Variants in ALMS1 observed in about 807,000 individuals in gnomAD.
The protein encoded by ALMS1 is ALMS1 centrosome and basal body associated protein, also known as centrosome-associated protein ALMS1.
Under a neutral mutation model 352.2 loss-of-function variants are expected in ALMS1, and 271 were observed. The ratio of observed to expected loss-of-function variants is 0.77; its 90% CI spans 0.70 to 0.85. ALMS1 has a LOEUF of 0.85. ALMS1 is among the 40% of genes least tolerant of loss of function. The pLI, the probability that ALMS1 is intolerant of heterozygous loss-of-function variation, is 0.00. For synonymous variants in ALMS1, 1,865 were observed against 1,761.2 expected, an observed-to-expected ratio of 1.06 and a Z score of -1.48; for missense variants, 5,445 against 4,870.7, an observed-to-expected ratio of 1.12 and a Z score of -3.51.
rs866357733 is a variant in ALMS1 at position 73,453,753 on chromosome 2, C to G, written c.7226C>G (p.Thr2409Ser). 9 of 1,613,988 alleles carry G rather than the reference C, an allele frequency of 5.6e-6. No individual in the cohort carries two copies. The highest frequency in any genetic ancestry group is 1.6e-4 in the Middle Eastern group (1 of 6,084). The change falls in exon 8 of 23, where the codon ACT becomes AGT. Residue 2409 changes from threonine to serine, a missense_variant. Coordinates refer to ENST00000613296, the MANE Select transcript of ALMS1 (RefSeq NM_001378454.1). ...IGNKIIIPMM[T>S]VIKSDSSSDA... ...AATAAAATTATTATCCCTATGATGA[C>G]TGTCATAAAAAGTGATTCAAGTAGT...
rs558698279 is a variant in ALMS1, at chr2:73,594,912, CCT to C, written c.11548-4485_11548-4484del. 2.3e-4 allele frequency among the ~76,000 whole-genome samples: 35 copies of C among 152,148 alleles called. No individual in the cohort carries two copies. In the South Asian group the frequency reaches 3.1e-3, roughly 14 times the overall value. On this transcript the variant is annotated intron_variant, in intron 16 of 22. Transcript: ENST00000613296. Reference sequence around the variant, plus strand: ...TTGGTATCTTGTTTTTAAATATGTCCCTCTCAGCTAAGCTTGTTGTGCTTCAG... The same window carrying C: ...TTGGTATCTTGTTTTTAAATATGTCCCTCAGCTAAGCTTGTTGTGCTTCAG...
chr2:73,429,679 C>A (rs1671462216), intron 6 of ALMS1, among the ~76,000 whole-genome samples: 1 of 152,144 alleles, frequency 6.6e-6, no homozygotes, highest in African/African-American at 2.4e-5. Flanking sequence ...CTTCATATCC[C>A]CCCACCTTTG....
At position 73,601,204 on chromosome 2, in the gene ALMS1, G is replaced by C. The variant is rs1332287946; in HGVS notation, c.11882G>C (p.Trp3961Ser). 1 of 1,614,150 alleles carries C rather than the reference G, an allele frequency of 6.2e-7. No homozygotes were observed. The highest frequency in any genetic ancestry group is 1.1e-5 in the South Asian group (1 of 91,030). ...AAACTGTTTCCTGTAGGAGTTTCCTGGTTTGTTCCTGTGGAAAATGTGGAG... is the reference window on the plus strand; with the variant it reads ...AAACTGTTTCCTGTAGGAGTTTCCTCGTTTGTTCCTGTGGAAAATGTGGAG... ...NKKNSHEGVS[W>S]FVPVENVESR... Residue 3961 changes from tryptophan to serine, a missense_variant, in exon 19 of 23, where the codon TGG becomes TCG. Physicochemically the swap from Trp to Ser is radical, Grantham distance 177. Coordinates refer to ENST00000613296, the MANE Select transcript of ALMS1 (RefSeq NM_001378454.1).
At chr2:73,485,924 G>C (rs1050242537) in intron 9 of ALMS1, among the ~76,000 whole-genome samples, 1 of 152,068 alleles carries the variant, frequency 6.6e-6, no homozygotes, top group African/African-American at 2.4e-5. Context: ...GCCTTGCCCT[G>C]CTTCGTCTCG....
At chr2:73,533,067 C>G (rs1004171558) in intron 11 of ALMS1, among the ~76,000 whole-genome samples, 2 of 152,218 alleles carry the variant, frequency 1.3e-5, no homozygotes, top group Non-Finnish European at 2.9e-5. Flanking sequence ...CCTGGCATCT[C>G]TATCATTCTG....
At chr2:73,480,752 T>C (rs1311057707) in intron 9 of ALMS1, among the ~76,000 whole-genome samples, 2 of 151,200 alleles carry the variant, frequency 1.3e-5, no homozygotes, top group Non-Finnish European at 3.0e-5. Context: ...TTCCTGACTT[T>C]TTAATGATTG....
At chr2:73,586,305 C>T (rs10173534) in intron 16 of ALMS1, among the ~76,000 whole-genome samples, 45,574 of 151,994 alleles carry the variant, frequency 0.3, 8,287 homozygotes, top group African/African-American at 0.51. Flanking sequence ...GGTTCTTGGT[C>T]GTGAGCTCTT....
intron 13 of ALMS1, among the ~76,000 whole-genome samples, chr2:73,550,851 A>G (rs1027201483): frequency 6.6e-6 from 1 of 150,382 alleles, no homozygotes; most frequent in Non-Finnish European, 1.5e-5. Flanking sequence ...TTTTTTTTTA[A>G]TTTTTTTAAA....
At chr2:73,481,438 C>G (rs912268880) in intron 9 of ALMS1, among the ~76,000 whole-genome samples, 1 of 152,098 alleles carries the variant, frequency 6.6e-6, no homozygotes, top group African/African-American at 2.4e-5. Context: ...TGATCTATAT[C>G]TCTGTTTTGG....
At chr2:73,472,827 G>A (rs1441200139) in intron 9 of ALMS1, among the ~76,000 whole-genome samples, 1 of 152,072 alleles carries the variant, frequency 6.6e-6, no homozygotes, top group Non-Finnish European at 1.5e-5. Flanking sequence ...TGAAGGACCA[G>A]TATAGAGCTT....
At chr2:73,521,607 G>A (rs924660561) in intron 11 of ALMS1, among the ~76,000 whole-genome samples, 35 of 148,758 alleles carry the variant, frequency 2.4e-4, no homozygotes, top group African/African-American at 7.2e-4. Flanking sequence ...AAAAATAGCC[G>A]GACACTGTGG....
intron 10 of ALMS1, among the ~76,000 whole-genome samples, chr2:73,502,938 C>CTG (rs1221949724): frequency 6.6e-6 from 1 of 152,080 alleles, no homozygotes; most frequent in East Asian, 1.9e-4. Flanking sequence ...CGTTGTTGAC[C>CTG]TGCTGCACAA....
At chr2:73,551,976 A>G (rs1392999475) in intron 13 of ALMS1, among the ~76,000 whole-genome samples, 3 of 152,172 alleles carry the variant, frequency 2.0e-5, no homozygotes, top group East Asian at 1.9e-4. Flanking sequence ...TAGTTTTGGC[A>G]TAGTGTTAAT....
chr2:73,522,211 C>G (rs1673695510), intron 11 of ALMS1, among the ~76,000 whole-genome samples: 1 of 152,190 alleles, frequency 6.6e-6, no homozygotes, highest in African/African-American at 2.4e-5. Flanking sequence ...CATTTCTGCT[C>G]TGGGTCCATT....
At chr2:73,558,243 G>T (rs754777318) in intron 14 of ALMS1, among the ~76,000 whole-genome samples, 2 of 152,196 alleles carry the variant, frequency 1.3e-5, no homozygotes, top group African/African-American at 2.4e-5. Context: ...AGGACAGATA[G>T]TATTGATAGT....
rs568265079 is a variant in ALMS1 at position 73,540,371 on chromosome 2, A to G, written c.9907+5422A>G. Among the ~76,000 whole-genome samples the G allele has an allele frequency of 3.0e-4, 45 of 152,332 alleles. 1 individual carries two copies. The South Asian group carries it at 4.1e-3, about 14-fold the overall frequency. On this transcript the variant is annotated intron_variant, in intron 12 of 22. Transcript: ENST00000613296. Reference sequence around the variant, plus strand: ...CCCTAAAAGAGCTCCTGAAGGAAGCACGAAACATGGAAAGGAACAACTGGT... The same window carrying G: ...CCCTAAAAGAGCTCCTGAAGGAAGCGCGAAACATGGAAAGGAACAACTGGT...
rs1377954707 is a variant in ALMS1, at chr2:73,452,538, C to A, written c.6011C>A (p.Pro2004Gln). 2 of 1,613,942 alleles carry A rather than the reference C, an allele frequency of 1.2e-6. No individual in the cohort carries two copies. The highest frequency in any genetic ancestry group is 2.7e-5 in the African/African-American group (2 of 74,916). ...CTCAAGATTTCAACTGTGCATATACCAGATGACCAGAAAACTGAGTTTCCA... is the reference window on the plus strand; with the variant it reads ...CTCAAGATTTCAACTGTGCATATACAAGATGACCAGAAAACTGAGTTTCCA... ...EKLKISTVHI[P>Q]DDQKTEFPAA... The change falls in exon 8 of 23, where the codon CCA (proline) becomes CAA (glutamine). Residue 2004 changes from proline (P) to glutamine (Q), a missense_variant. Coordinates refer to ENST00000613296, the MANE Select transcript of ALMS1 (RefSeq NM_001378454.1).
At chr2:73,532,617 T>A (rs1019078943) in intron 11 of ALMS1, among the ~76,000 whole-genome samples, 1 of 151,760 alleles carries the variant, frequency 6.6e-6, no homozygotes, top group African/African-American at 2.4e-5. Context: ...GAACTCTCAC[T>A]TCAGGGCAAT....
At chr2:73,511,012 T>C (rs945082891) in intron 10 of ALMS1, among the ~76,000 whole-genome samples, 4 of 152,148 alleles carry the variant, frequency 2.6e-5, no homozygotes, top group African/African-American at 9.7e-5. Flanking sequence ...TACTCAAGCC[T>C]CAGTAATGGT....
Sources: gnomAD v4.1 joint callset for allele counts (sites outside exome capture counted in the v4.1 genomes callset) on GRCh38, gnomAD v4.1.1 for gene constraint, MANE v1.5 for transcripts, NCBI Gene and HGNC (gene_info 2026-07-23, HGNC 2026-07-21) for gene names.